The following ELK3 variants were observed in gnomAD, a reference collection of about 807,000 sequenced individuals.
ELK3 encodes the protein ETS transcription factor ELK3.
Under a neutral mutation model 28.9 loss-of-function variants are expected in ELK3, and 10 were observed. That is an observed-to-expected ratio of 0.35 (90% confidence interval 0.21 to 0.59). The LOEUF is 0.59. Ranked by LOEUF, ELK3 falls within the 20% of genes least tolerant of loss-of-function variation. The pLI is 0.82. For synonymous variants in ELK3, 272 were observed against 243.5 expected (o/e 1.12, Z -1.09); for missense variants, 463 against 517.3 (o/e 0.90, Z 1.02).
chr12:96,242,280 G>A (rs1951826955), intron 2 of ELK3, among the ~76,000 whole-genome samples: 1 of 152,062 alleles, frequency 6.6e-6, no homozygotes, highest in African/African-American at 2.4e-5. Context: ...AGATTGCCTG[G>A]GTACCATCTG....
At chr12:96,217,825 C>G (rs1470269562) in intron 1 of ELK3, among the ~76,000 whole-genome samples, 1 of 151,290 alleles carries the variant, frequency 6.6e-6, no homozygotes, top group African/African-American at 2.4e-5. Flanking sequence ...GTGGTCCCAG[C>G]TACTTGGAAG....
intron 3 of ELK3, among the ~76,000 whole-genome samples, chr12:96,259,034 TG>T (rs1951972921): frequency 6.6e-6 from 1 of 152,208 alleles, no homozygotes. Flanking sequence ...AGATGTCCAC[TG>T]TAGAAACACA....
chr12:96,216,728 A>G (rs1184101495), intron 1 of ELK3, among the ~76,000 whole-genome samples: 1 of 152,230 alleles, frequency 6.6e-6, no homozygotes, highest in Non-Finnish European at 1.5e-5. Context: ...GTGCATTATT[A>G]GTAACTTCTG....
chr12:96,221,584 T>C (rs571282704), intron 1 of ELK3, among the ~76,000 whole-genome samples: 82 of 152,300 alleles, frequency 5.4e-4, no homozygotes, highest in African/African-American at 1.7e-3. Context: ...TCTCAAGAAT[T>C]TGCGACAACT....
At chr12:96,262,168 A>G (rs1336859022) in intron 4 of ELK3, among the ~76,000 whole-genome samples, 4 of 152,046 alleles carry the variant, frequency 2.6e-5, no homozygotes, top group African/African-American at 4.8e-5. Flanking sequence ...ACAGGCGTGT[A>G]CCACCACACA....
At chr12:96,243,496 G>C (rs1951835528) in intron 2 of ELK3, among the ~76,000 whole-genome samples, 2 of 152,104 alleles carry the variant, frequency 1.3e-5, no homozygotes, top group Admixed American at 1.3e-4. Flanking sequence ...GCTGAGGCGG[G>C]CAGATCACCT....
rs533237931 is a variant in ELK3 at position 96,218,680 on chromosome 12, G to A, written c.-2-4885G>A. On this transcript the variant is annotated intron_variant, in intron 1 of 4. Coordinates refer to ENST00000228741, the MANE Select transcript of ELK3 (RefSeq NM_005230.4). ...TTTTTTTTTTTTGAGACAGAGTCTCGCTCTGTCACCTAGGCTGGAGTGTAG... is the reference window on the plus strand; with the variant it reads ...TTTTTTTTTTTTGAGACAGAGTCTCACTCTGTCACCTAGGCTGGAGTGTAG... 2.5e-3 allele frequency among the ~76,000 whole-genome samples: 354 copies of A among 143,710 alleles called. 4 individuals carry two copies. The highest frequency in any genetic ancestry group is 8.7e-3 in the African/African-American group (332 of 38,332). 94.3% of individuals were successfully genotyped at this position (143,710 alleles called of 152,430 possible).
At chr12:96,205,731 C>G (rs1457774907) in intron 1 of ELK3, among the ~76,000 whole-genome samples, 1 of 152,214 alleles carries the variant, frequency 6.6e-6, no homozygotes, top group Non-Finnish European at 1.5e-5. Flanking sequence ...ACTGATTAAA[C>G]TCCGGGCAGA....
Position 96,211,987 on chromosome 12 carries a change from T to C in ELK3, c.-2-11578T>C, listed in dbSNP as rs555979422. On this transcript the variant is annotated intron_variant, in intron 1 of 4. Coordinates refer to ENST00000228741, the MANE Select transcript of ELK3 (RefSeq NM_005230.4). ...TATTTTTTCCCTGTTGAATTCACAA[T>C]GTTAATTACTTTGGGGAGGAACAAA... Among the ~76,000 whole-genome samples, 16 of 152,364 alleles carry C rather than the reference T, an allele frequency of 1.1e-4. No homozygotes were observed. In the South Asian group the frequency reaches 3.3e-3, roughly 32 times the overall value.
chr12:96,247,560 G>A lies in ELK3; in HGVS notation c.828G>A (p.Leu276=), dbSNP rs1240966780. Residue 276 remains leucine (L), a synonymous_variant, in exon 3 of 5, where the codon CTG becomes CTA. Transcript: ENST00000228741. This position sits in a 1 kb window ranked among gnomAD's most constrained non-coding sequence, Gnocchi z 5.5. ...HDSDSLEPLN[L]SSGSKTKSPS... is the part of the protein sequence containing the mutation. ...CCGATTCCCTGGAGCCCTTGAACCTGTCATCGGGCTCCAAGACCAAGTCTC... is the reference window on the plus strand; with the variant it reads ...CCGATTCCCTGGAGCCCTTGAACCTATCATCGGGCTCCAAGACCAAGTCTC... 1.2e-6 allele frequency: 2 copies of A among 1,613,926 alleles called. No homozygotes were observed. The highest frequency in any genetic ancestry group is 2.7e-5 in the African/African-American group (2 of 74,882).
In ELK3 at chr12:96,267,134, G is replaced by C; in HGVS notation, c.1178G>C (p.Arg393Thr). 1.2e-6 allele frequency: 2 copies of C among 1,613,690 alleles called. No individual in the cohort carries two copies. Among genetic ancestry groups the C allele is most frequent in the Non-Finnish European group, 1.7e-6 (2 of 1,179,822 alleles). Residue 393 changes from arginine (R) to threonine (T), a missense_variant, in exon 5 of 5, where the codon AGA becomes ACA. Arg to Thr is a moderately conservative substitution (Grantham distance 71). This residue lies in a region of ELK3 where 408 missense variants were observed against 414.8 expected (regional missense o/e 0.98). Transcript: ENST00000228741. ...HMPVPIPSLD[R>T]AASPVLLSSN... ...CCAGTGCCAATCCCCAGTCTGGACA[G>C]AGCTGCTTCTCCAGTACTGCTTTCT...
intron 1 of ELK3, among the ~76,000 whole-genome samples, chr12:96,211,105 G>C (rs1407091544): frequency 1.3e-5 from 2 of 152,184 alleles, no homozygotes; most frequent in Non-Finnish European, 2.9e-5. Flanking sequence ...AGCCAACTGA[G>C]AGTATTAAAT....
chr12:96,237,028 C>G (rs568063239), intron 2 of ELK3, among the ~76,000 whole-genome samples: 1 of 152,334 alleles, frequency 6.6e-6, no homozygotes, highest in African/African-American at 2.4e-5. Flanking sequence ...CTGTGTGTGT[C>G]TTTCTGTGTC....
In ELK3 at chr12:96,212,459, T is replaced by C. The variant is rs1951584635; in HGVS notation, c.-2-11106T>C. ...CCTCAGGTTGTAGGAACCTCTGTTTTTTATAGCCCCACTCATCTTTCAAGA... is the reference window on the plus strand; with the variant it reads ...CCTCAGGTTGTAGGAACCTCTGTTTCTTATAGCCCCACTCATCTTTCAAGA... On this transcript the variant is annotated intron_variant, in intron 1 of 4. Transcript: ENST00000228741. 2.0e-5 allele frequency among the ~76,000 whole-genome samples: 3 copies of C among 152,166 alleles called. No individual in the cohort carries two copies. The South Asian group carries it at 6.2e-4, about 32-fold the overall frequency.
At chr12:96,246,898 C>G (rs770757217) in intron 2 of ELK3, 42 bp from the exon 3 acceptor site, 3 of 1,541,408 alleles carry the variant, frequency 1.9e-6, no homozygotes, top group Non-Finnish European at 2.6e-6. Context: ...CATGGTTTCT[C>G]GGGTGCACTC....
intron 1 of ELK3, among the ~76,000 whole-genome samples, chr12:96,219,487 TTGTA>T (rs1483050092): frequency 6.6e-6 from 1 of 152,150 alleles, no homozygotes; most frequent in Non-Finnish European, 1.5e-5. Context: ...TACAGTGTGA[TTGTA>T]TGTGAAAATA....
At chr12:96,210,561 GCA>G (rs368183390) in intron 1 of ELK3, among the ~76,000 whole-genome samples, 2,187 of 144,838 alleles carry the variant, frequency 0.015, 59 homozygotes, top group African/African-American at 0.053. Context: ...GCGCGCGGGC[GCA>G]CGCACACACA....
intron 2 of ELK3, among the ~76,000 whole-genome samples, chr12:96,224,331 G>A (rs2137015268): frequency 6.6e-6 from 1 of 151,118 alleles, no homozygotes; most frequent in South Asian, 2.1e-4. Flanking sequence ...GCTGCTAATA[G>A]GAGTAGGAAT....
chr12:96,264,860 TA>T (rs1952018229), intron 4 of ELK3, among the ~76,000 whole-genome samples: 1 of 152,242 alleles, frequency 6.6e-6, no homozygotes, highest in African/African-American at 2.4e-5. Flanking sequence ...ACGTTGTTCT[TA>T]GCACTTTTGG....
Sources: allele counts gnomAD v4.1 joint callset (sites outside exome capture counted in the v4.1 genomes callset), GRCh38; gene constraint gnomAD v4.1.1; regional missense constraint gnomAD v4.1.1; non-coding constraint Gnocchi (gnomAD v3.1); transcripts MANE v1.5; gene names NCBI Gene and HGNC (gene_info 2026-07-23, HGNC 2026-07-21).